TTC28: variants seen among roughly 807,000 people sequenced by gnomAD.
The protein encoded by TTC28 is tetratricopeptide repeat domain 28.
TTC28 carries 61 observed loss-of-function variants against 198.0 expected under a neutral mutation model. The observed-to-expected ratio is 0.31, with a 90% CI of 0.25 to 0.38. The LOEUF is 0.38. Among genes scored for constraint, TTC28 ranks in the 10% least tolerant of loss-of-function variants. TTC28 has a pLI of 1.00. For synonymous variants in TTC28, 1,171 were observed against 1,297.8 expected, an observed-to-expected ratio of 0.90 and a Z score of 2.10; for missense variants, 2,678 against 3,164.0, an observed-to-expected ratio of 0.85 and a Z score of 3.69.
In TTC28 at chr22:28,107,598, G is replaced by A. The variant is rs1206019859; in HGVS notation, c.2247C>T (p.Asp749=). The change falls in exon 7 of 23, where the codon GAC becomes GAT. Residue 749 remains aspartate, a synonymous_variant. Coordinates refer to ENST00000397906, the MANE Select transcript of TTC28 (RefSeq NM_001145418.2). ...QQLGLAHQVK[D]RRLEASAYAA... is the part of the protein sequence containing the mutation. ...CATATGCACTGGCTTCTAATCTTCT[G>A]TCCTTTACCTGGTGAGCTAAGCCCA... The A allele has an allele frequency of 1.9e-6, 3 of 1,551,614 alleles. No homozygotes were observed. The highest frequency in any genetic ancestry group is 2.4e-5 in the East Asian group (1 of 40,934).
chr22:28,335,579 T>C (rs1267593184), intron 2 of TTC28, among the ~76,000 whole-genome samples: 4 of 152,140 alleles, frequency 2.6e-5, no homozygotes, highest in African/African-American at 4.8e-5. Context: ...GATTCCTAGG[T>C]ATTTTATTCT....
chr22:28,085,867 C>T (rs1467296501), intron 12 of TTC28, among the ~76,000 whole-genome samples: 1 of 152,076 alleles, frequency 6.6e-6, no homozygotes, highest in Non-Finnish European at 1.5e-5. Context: ...CAATCCTGGT[C>T]TCTGATAAAA....
chr22:28,147,153 T>C (rs1943488096), intron 6 of TTC28, among the ~76,000 whole-genome samples: 1 of 152,242 alleles, frequency 6.6e-6, no homozygotes, highest in Non-Finnish European at 1.5e-5. Flanking sequence ...AAATGTATTT[T>C]CTGCTGTGTC....
At chr22:28,462,714 A>G (rs2047966284) in intron 2 of TTC28, among the ~76,000 whole-genome samples, 1 of 152,224 alleles carries the variant, frequency 6.6e-6, no homozygotes. Context: ...ACCTGTAGTA[A>G]GAGAAGATTG....
intron 2 of TTC28, among the ~76,000 whole-genome samples, chr22:28,357,371 A>G (rs1485143302): frequency 1.4e-5 from 2 of 143,268 alleles, no homozygotes; most frequent in Non-Finnish European, 3.0e-5. Context: ...GGTGGAGTAC[A>G]GTGGTGCAAT....
chr22:28,621,434 G>T (rs2050993692), intron 2 of TTC28, among the ~76,000 whole-genome samples: 1 of 151,900 alleles, frequency 6.6e-6, no homozygotes, highest in South Asian at 2.1e-4. Context: ...AAGAAAAAAG[G>T]CTGGGCCTCA....
At chr22:28,292,535 C>A (rs779667302) in intron 5 of TTC28, among the ~76,000 whole-genome samples, 3 of 152,168 alleles carry the variant, frequency 2.0e-5, no homozygotes, top group Non-Finnish European at 2.9e-5. Context: ...ACTATACCAA[C>A]TTTTATGAAA....
At chr22:28,462,387 T>G (rs2047962277) in intron 2 of TTC28, among the ~76,000 whole-genome samples, 1 of 152,216 alleles carries the variant, frequency 6.6e-6, no homozygotes, top group African/African-American at 2.4e-5. Context: ...GAGCCCAGTC[T>G]AGGTCCTAAA....
At chr22:28,234,262 G>A (rs571552077) in intron 5 of TTC28, among the ~76,000 whole-genome samples, 59 of 152,114 alleles carry the variant, frequency 3.9e-4, no homozygotes, top group African/African-American at 1.3e-3. Flanking sequence ...GGCTGGTCTC[G>A]AACTCCTGAG....
At chr22:28,076,763 T>C (rs1449392687) in intron 12 of TTC28, among the ~76,000 whole-genome samples, 1 of 152,150 alleles carries the variant, frequency 6.6e-6, no homozygotes, top group African/African-American at 2.4e-5. Flanking sequence ...TATTTTGTAA[T>C]TTTAAATAAT....
At chr22:28,210,172 C>A (rs1926799708) in intron 5 of TTC28, among the ~76,000 whole-genome samples, 1 of 152,114 alleles carries the variant, frequency 6.6e-6, no homozygotes, top group Non-Finnish European at 1.5e-5. Context: ...TAGATAAAAC[C>A]ACAAAGATGC....
intron 5 of TTC28, among the ~76,000 whole-genome samples, chr22:28,191,941 G>C (rs918745807): frequency 2.0e-5 from 3 of 152,206 alleles, no homozygotes; most frequent in East Asian, 1.9e-4. Flanking sequence ...GAAGAGAGTA[G>C]TGGTTCTCCC....
intron 5 of TTC28, among the ~76,000 whole-genome samples, chr22:28,203,837 C>G (rs1373406973): frequency 1.3e-5 from 2 of 152,136 alleles, no homozygotes; most frequent in Non-Finnish European, 2.9e-5. Context: ...AGAAGCACCA[C>G]TGTTTATGTT....
intron 2 of TTC28, among the ~76,000 whole-genome samples, chr22:28,365,810 C>T (rs2145974701): frequency 6.6e-6 from 1 of 152,158 alleles, no homozygotes; most frequent in Admixed American, 6.5e-5. Context: ...GTGAATGAAA[C>T]AATATAGAAA....
chr22:28,279,082 A>C (rs2044528589), intron 5 of TTC28, among the ~76,000 whole-genome samples: 1 of 152,170 alleles, frequency 6.6e-6, no homozygotes, highest in Admixed American at 6.5e-5. Context: ...TTTTTCTAAA[A>C]TTTTATTGTG....
chr22:28,255,305 T>C (rs1265611936), intron 5 of TTC28, among the ~76,000 whole-genome samples: 3 of 152,144 alleles, frequency 2.0e-5, no homozygotes, highest in African/African-American at 7.2e-5. Flanking sequence ...TTTTCAGCCC[T>C]TTGCCTTCTG....
chr22:28,343,998 A>C (rs1201815166), intron 2 of TTC28, among the ~76,000 whole-genome samples: 3 of 152,170 alleles, frequency 2.0e-5, no homozygotes, highest in Non-Finnish European at 4.4e-5. Context: ...TTTTAGCAAT[A>C]CTATAAAATC....
At chr22:28,490,724 A>AG (rs2048365982) in intron 2 of TTC28, among the ~76,000 whole-genome samples, 1 of 152,198 alleles carries the variant, frequency 6.6e-6, no homozygotes, top group African/African-American at 2.4e-5. Flanking sequence ...GCCTGACAAC[A>AG]GCCTCAGGCA....
chr22:28,516,351 TA>T (rs2048786228), intron 2 of TTC28, among the ~76,000 whole-genome samples: 1 of 152,144 alleles, frequency 6.6e-6, no homozygotes, highest in East Asian at 1.9e-4. Flanking sequence ...AACACAAGAA[TA>T]ATTCTGAAAA....
Sources: allele counts gnomAD v4.1 joint callset (sites outside exome capture counted in the v4.1 genomes callset), GRCh38; gene constraint gnomAD v4.1.1; transcripts MANE v1.5; gene names NCBI Gene and HGNC (gene_info 2026-07-23, HGNC 2026-07-21).